The following PCLO variants were observed in gnomAD, a reference collection of about 807,000 sequenced individuals.
PCLO encodes piccolo presynaptic cytomatrix protein.
A neutral mutation model predicts 427.5 loss-of-function variants in PCLO; 82 were observed. The ratio of observed to expected loss-of-function variants is 0.19; its 90% CI spans 0.16 to 0.23. The LOEUF (loss-of-function observed/expected upper bound fraction) is 0.23. Among genes scored for constraint, PCLO ranks in the 10% least tolerant of loss-of-function variants. The probability of loss-of-function intolerance (pLI) is 1.00; values close to 1 mark genes in which losing one functional copy is unlikely to be tolerated. For synonymous variants in PCLO, 2,357 were observed against 2,155.4 expected (o/e 1.09, Z -2.59); for missense variants, 6,239 against 6,115.9 (o/e 1.02, Z -0.67).
At chr7:82,930,292 G>A (rs1028309405) in intron 6 of PCLO, among the ~76,000 whole-genome samples, 5 of 152,082 alleles carry the variant, frequency 3.3e-5, no homozygotes, top group Non-Finnish European at 5.9e-5. Flanking sequence ...AAGGCTGTGC[G>A]GAGGGAGGGA....
chr7:83,072,247 C>T (rs1326131714), intron 3 of PCLO, among the ~76,000 whole-genome samples: 9 of 151,946 alleles, frequency 5.9e-5, no homozygotes, highest in African/African-American at 1.9e-4. Context: ...AGAATTTCAA[C>T]ATGAAAACCA....
At chr7:82,870,371 A>T (rs559221228) in intron 10 of PCLO, among the ~76,000 whole-genome samples, 1 of 152,206 alleles carries the variant, frequency 6.6e-6, no homozygotes, top group African/African-American at 2.4e-5. Flanking sequence ...TGGTGCTGAC[A>T]AAACTGGATA....
chr7:82,794,459 C>CTGTTTTTTTTTTTTTTT lies in PCLO; in HGVS notation c.15007+7058_15007+7059insAAAAAAAAAAAAAAACA, dbSNP rs1554333552. On this transcript the variant is annotated intron_variant, in intron 22 of 24. Coordinates refer to ENST00000333891, the MANE Select transcript of PCLO (RefSeq NM_033026.6). Reference sequence around the variant, plus strand: ...ACATGCTAGTTCATAAATTTTTTTTCTTTTTTTTTTTTTTTTTTTTTTTTT... The same window carrying CTGTTTTTTTTTTTTTTT: ...ACATGCTAGTTCATAAATTTTTTTTCTGTTTTTTTTTTTTTTTTTTTTTTTTTTTTTTTTTTTTTTTT... 4.2e-3 allele frequency among the ~76,000 whole-genome samples: 239 copies of CTGTTTTTTTTTTTTTTT among 56,370 alleles called. 48 individuals are homozygous for CTGTTTTTTTTTTTTTTT. Among genetic ancestry groups the CTGTTTTTTTTTTTTTTT allele is most frequent in the Non-Finnish European group, 6.0e-3 (147 of 24,446 alleles). The allele number at this position is 56,370 out of a possible 152,430, so 37.0% of individuals were successfully genotyped here. A position where few individuals can be genotyped will look rare whatever the true frequency, so the allele number is the denominator to read the frequency against.
At chr7:83,035,877 C>T (rs188903762) in intron 3 of PCLO, among the ~76,000 whole-genome samples, 4 of 152,228 alleles carry the variant, frequency 2.6e-5, no homozygotes, top group African/African-American at 9.6e-5. Flanking sequence ...ACAAGGTTAG[C>T]CCCGTTTTTA....
At chr7:82,981,203 G>A (rs1796139613) in intron 3 of PCLO, among the ~76,000 whole-genome samples, 2 of 151,678 alleles carry the variant, frequency 1.3e-5, no homozygotes, top group Non-Finnish European at 2.9e-5. Flanking sequence ...ACTATTCTGG[G>A]GGTGGGAGGG....
rs1279377371 is a variant in PCLO, at chr7:82,953,982, T to C, written c.6971A>G (p.Lys2324Arg). 1 of 1,613,956 alleles carries C rather than the reference T, an allele frequency of 6.2e-7. No individual in the cohort carries two copies. Among genetic ancestry groups the C allele is most frequent in the Non-Finnish European group, 8.5e-7 (1 of 1,179,850 alleles). ...TTTTGTTCGTTCGGCCTCCAACTCC[T>C]TTTTATCTCTGTAAGCTTCCAAAAC... ...LEVLEAYRDK[K>R]ELEAERTKSS... is the part of the protein sequence containing the mutation. The change falls in exon 5 of 25, where the codon AAG becomes AGG. Residue 2324 changes from lysine to arginine, a missense_variant. Lys to Arg is a conservative substitution (Grantham distance 26). This residue lies in a region of PCLO where 4,677 missense variants were observed against 4,468.4 expected (regional missense o/e 1.05). Transcript: ENST00000333891.
chr7:82,904,368 T>C (rs536675819), intron 8 of PCLO, among the ~76,000 whole-genome samples: 17 of 152,024 alleles, frequency 1.1e-4, no homozygotes, highest in African/African-American at 4.1e-4. Context: ...TCCCACTTTT[T>C]TCCTTCTTCT....
intron 1 of PCLO, 39 bp downstream of exon 1, chr7:83,162,306 T>A (rs768027201): frequency 1.3e-6 from 2 of 1,555,920 alleles, no homozygotes; most frequent in Non-Finnish European, 1.7e-6. Flanking sequence ...CGGGAAGCTG[T>A]ACATATATGC....
At chr7:82,801,118 G>A (rs752060068) in intron 22 of PCLO, among the ~76,000 whole-genome samples, 5 of 148,678 alleles carry the variant, frequency 3.4e-5, no homozygotes, top group Non-Finnish European at 4.5e-5. Flanking sequence ...TCTCAGCTTC[G>A]TATATTTAAG....
Position 82,938,767 on chromosome 7 carries a change from A to G in PCLO, c.11112+10709T>C, listed in dbSNP as rs558974251. On this transcript the variant is annotated intron_variant, in intron 6 of 24. Transcript: ENST00000333891. ...TATGGTGCTGTTGGACTCAGATACT[A>G]AACGTTATGTATGGCTACCTAATGT... 2.9e-4 allele frequency among the ~76,000 whole-genome samples: 44 copies of G among 152,156 alleles called. 2 individuals carry two copies. In the South Asian group the frequency reaches 8.5e-3, roughly 29 times the overall value.
chr7:83,086,149 G>A lies in PCLO; in HGVS notation c.3300+48101C>T, dbSNP rs189787818. 6.0e-3 allele frequency among the ~76,000 whole-genome samples: 801 copies of A among 133,272 alleles called. 3 individuals are homozygous for A. The highest frequency in any genetic ancestry group is 8.8e-3 in the Non-Finnish European group (542 of 61,644). The allele number at this position is 133,272 out of a possible 152,430, so 87.4% of individuals were successfully genotyped here. ...TTTTGAGACGGAGTCTTGCGCTGTC[G>A]CCCAGGCTGGAGTGCAATGGCGCAA... On this transcript the variant is annotated intron_variant, in intron 3 of 24. Transcript: ENST00000333891.
At chr7:82,812,527 T>C (rs941731862) in intron 20 of PCLO, among the ~76,000 whole-genome samples, 1 of 151,438 alleles carries the variant, frequency 6.6e-6, no homozygotes, top group Non-Finnish European at 1.5e-5. Context: ...TAGTAAATAA[T>C]GAAAGAAAGT....
chr7:83,133,442 C>T (rs777100913), intron 3 of PCLO, among the ~76,000 whole-genome samples: 4 of 151,906 alleles, frequency 2.6e-5, no homozygotes, highest in African/African-American at 4.8e-5. Flanking sequence ...ATTCTAATAG[C>T]CCTAACATGC....
chr7:83,052,901 C>G (rs775996719), intron 3 of PCLO, among the ~76,000 whole-genome samples: 53 of 151,886 alleles, frequency 3.5e-4, no homozygotes, highest in Non-Finnish European at 8.8e-5. Flanking sequence ...TATAATCCTC[C>G]AAATTGAAGT....
intron 22 of PCLO, among the ~76,000 whole-genome samples, chr7:82,799,041 A>G (rs374923058): frequency 5.3e-5 from 8 of 152,312 alleles, no homozygotes; most frequent in African/African-American, 1.9e-4. Flanking sequence ...TGGGACTGAT[A>G]TGAAAGAAGA....
intron 14 of PCLO, among the ~76,000 whole-genome samples, chr7:82,840,235 C>T (rs923330525): frequency 6.6e-6 from 1 of 151,994 alleles, no homozygotes; most frequent in African/African-American, 2.4e-5. Flanking sequence ...GAGAAACAGC[C>T]GGATCTGGAG....
chr7:83,003,965 A>T (rs1255585138), intron 3 of PCLO, among the ~76,000 whole-genome samples: 1 of 151,464 alleles, frequency 6.6e-6, no homozygotes, highest in Non-Finnish European at 1.5e-5. Context: ...CCATGAAGTT[A>T]TCTGGTATTG....
At chr7:83,078,096 C>A (rs528824878) in intron 3 of PCLO, among the ~76,000 whole-genome samples, 2 of 152,162 alleles carry the variant, frequency 1.3e-5, no homozygotes, top group African/African-American at 4.8e-5. Context: ...CCCTCAGATA[C>A]CTCCTAATAA....
intron 22 of PCLO, among the ~76,000 whole-genome samples, chr7:82,775,227 G>A (rs1263065319): frequency 2.0e-5 from 3 of 152,146 alleles, no homozygotes; most frequent in African/African-American, 7.2e-5. Flanking sequence ...GTGGTCATGA[G>A]TTTTTAATTC....
Sources: allele counts gnomAD v4.1 joint callset (sites outside exome capture counted in the v4.1 genomes callset), GRCh38; gene constraint gnomAD v4.1.1; regional missense constraint gnomAD v4.1.1; transcripts MANE v1.5; gene names NCBI Gene and HGNC (gene_info 2026-07-23, HGNC 2026-07-21).